The following FGFR1OP2 variants were observed in gnomAD, a reference collection of about 807,000 sequenced individuals.
The protein encoded by FGFR1OP2 is fibroblast growth factor receptor 1 oncogene partner 2.
Under a neutral mutation model 35.2 loss-of-function variants are expected in FGFR1OP2, and 17 were observed. The observed-to-expected ratio is 0.48, with a 90% CI of 0.33 to 0.73. The LOEUF is 0.73. FGFR1OP2 is among the 30% of genes least tolerant of loss of function. The pLI is 0.02. For missense variants in FGFR1OP2, 251 were observed against 307.3 expected (o/e 0.82, Z 1.37); for synonymous variants, 105 against 104.6 (o/e 1.00, Z -0.03).
At position 26,960,527 on chromosome 12, in the gene FGFR1OP2, C is replaced by T. The variant is rs779951948; in HGVS notation, c.409C>T (p.His137Tyr). The change falls in exon 5 of 7, where the codon CAT becomes TAT. Residue 137 changes from histidine (H) to tyrosine (Y), a missense_variant. Transcript: ENST00000229395. ...KEQHSKIDMV[H>Y]RNKSEGFFLD... ...CTCTATACTACAGATTGACATGGTA[C>T]ATCGTAACAAGTCCGAAGGATTCTT... 1.2e-6 allele frequency: 2 copies of T among 1,612,334 alleles called. No homozygotes were observed. Among genetic ancestry groups the T allele is most frequent in the South Asian group, 1.1e-5 (1 of 91,020 alleles).
Position 26,961,732 on chromosome 12 carries a change from C to CT in FGFR1OP2, c.510+1105dup, listed in dbSNP as rs1319331670. On this transcript the variant is annotated intron_variant, in intron 5 of 6. Coordinates refer to ENST00000229395, the MANE Select transcript of FGFR1OP2 (RefSeq NM_015633.3). ...CAGCCTGGCCAACAAGAGCGAGACT[C>CT]TGTCTAAAAAAAAAGAAATGCTTGC... 7.9e-5 allele frequency: 12 copies of CT among 152,202 alleles called. No homozygotes were observed. The East Asian group carries it at 2.1e-3, about 27-fold the overall frequency. The allele number at this position is 152,202 out of a possible 1,614,324, so 9.4% of individuals were successfully genotyped here. A position where few individuals can be genotyped will look rare whatever the true frequency, so the allele number is the denominator to read the frequency against.
rs1305865242 is a variant in FGFR1OP2 at position 26,966,195 on chromosome 12, TTC to T, written c.*1464_*1465del. 1.3e-5 allele frequency: 2 copies of T among 152,080 alleles called. No individual in the cohort carries two copies. Among genetic ancestry groups the T allele is most frequent in the African/African-American group, 2.4e-5 (1 of 41,448 alleles). 9.4% of individuals were successfully genotyped at this position (152,080 alleles called of 1,614,324 possible). On this transcript the variant is annotated 3_prime_UTR_variant, in exon 7 of 7. Coordinates refer to ENST00000229395, the MANE Select transcript of FGFR1OP2 (RefSeq NM_015633.3). ...CTAATGGCCCAAACATTATATAGAT[TTC>T]TTTTTTTCAGTCAGAGGCCTTATTT...
intron 1 of FGFR1OP2, among the ~76,000 whole-genome samples, chr12:26,941,201 T>G (rs1293547664): frequency 6.6e-6 from 1 of 152,178 alleles, no homozygotes; most frequent in Non-Finnish European, 1.5e-5. Context: ...AGGTAGGCAC[T>G]ATAAAAATAG....
intron 1 of FGFR1OP2, among the ~76,000 whole-genome samples, chr12:26,943,178 C>G (rs1383311599): frequency 6.6e-6 from 1 of 152,120 alleles, no homozygotes; most frequent in Non-Finnish European, 1.5e-5. Flanking sequence ...TCCAGTTCTT[C>G]CAACACCATT....
chr12:26,943,661 C>G (rs1356456303), intron 1 of FGFR1OP2, among the ~76,000 whole-genome samples: 1 of 152,104 alleles, frequency 6.6e-6, no homozygotes, highest in Non-Finnish European at 1.5e-5. Flanking sequence ...CCCATCTCTA[C>G]TAAAAATACA....
At chr12:26,950,215 T>TTTTTTG (rs1555211399) in intron 1 of FGFR1OP2, among the ~76,000 whole-genome samples, 3 of 97,204 alleles carry the variant, frequency 3.1e-5, no homozygotes, top group African/African-American at 1.3e-4. Context: ...TATTCGTTGT[T>TTTTTTG]TTTTTTTTTT....
intron 1 of FGFR1OP2, among the ~76,000 whole-genome samples, chr12:26,945,686 C>G (rs1248731735): frequency 6.6e-6 from 1 of 152,102 alleles, no homozygotes; most frequent in Non-Finnish European, 1.5e-5. Flanking sequence ...CGTGGTGAAA[C>G]CGCATCTCTA....
intron 6 of FGFR1OP2, 105 bp from the exon 7 acceptor site, chr12:26,964,491 T>G: frequency 7.8e-7 from 1 of 1,274,716 alleles, no homozygotes; most frequent in Non-Finnish European, 1.1e-6. Context: ...CAGACCTTGC[T>G]TGTTTGTTAT....
chr12:26,947,959 A>G lies in FGFR1OP2; in HGVS notation c.-14-6186A>G, dbSNP rs7959342. ...CTTTTTAATTCATTTCAATTAATCTATTGTAGTTTTGACTATTATCTCTGT... is the reference window on the plus strand; with the variant it reads ...CTTTTTAATTCATTTCAATTAATCTGTTGTAGTTTTGACTATTATCTCTGT... On this transcript the variant is annotated intron_variant, in intron 1 of 6. Transcript: ENST00000229395. 3.1e-3 allele frequency among the ~76,000 whole-genome samples: 479 copies of G among 152,116 alleles called. 2 individuals are homozygous for G. The highest frequency in any genetic ancestry group is 0.011 in the African/African-American group (444 of 41,504).
chr12:26,964,844 G>A lies in FGFR1OP2; in HGVS notation c.*111G>A. ...ATTTTTTTCTCTGTAAATATGTACA[G>A]TGCACGGGCTATGAGATAGCAACAA... On this transcript the variant is annotated 3_prime_UTR_variant, in exon 7 of 7. Transcript: ENST00000229395. The A allele has an allele frequency of 1.7e-6, 2 of 1,169,514 alleles. No individual in the cohort carries two copies. Among genetic ancestry groups the A allele is most frequent in the Non-Finnish European group, 2.4e-6 (2 of 834,054 alleles). 72.4% of individuals were successfully genotyped at this position (1,169,514 alleles called of 1,614,324 possible).
intron 1 of FGFR1OP2, among the ~76,000 whole-genome samples, chr12:26,948,305 C>T (rs1329633538): frequency 4.6e-5 from 7 of 152,184 alleles, no homozygotes; most frequent in Non-Finnish European, 8.8e-5. Context: ...CACTTTGCTT[C>T]TAACTGAAGA....
rs117733441 is a variant in FGFR1OP2, at chr12:26,939,316, T to A, written c.-15+606T>A. On this transcript the variant is annotated intron_variant, in intron 1 of 6. Coordinates refer to ENST00000229395, the MANE Select transcript of FGFR1OP2 (RefSeq NM_015633.3). ...TGGTTTCCCTACTATAATCCTTCCA[T>A]AGAGTTATTCTGAAATACATATTTA... is the stretch of plus-strand genomic sequence containing the variant. 2.4e-4 allele frequency among the ~76,000 whole-genome samples: 36 copies of A among 151,396 alleles called. 1 individual carries two copies. In the East Asian group the frequency reaches 7.1e-3, roughly 30 times the overall value.
chr12:26,963,848 T>A (rs1939137249), intron 6 of FGFR1OP2, among the ~76,000 whole-genome samples: 2 of 152,152 alleles, frequency 1.3e-5, no homozygotes, highest in South Asian at 4.1e-4. Context: ...CTTTGTCATC[T>A]GTCCTTTATT....
intron 1 of FGFR1OP2, among the ~76,000 whole-genome samples, chr12:26,941,395 T>C (rs1030697198): frequency 6.6e-6 from 1 of 152,216 alleles, no homozygotes; most frequent in Non-Finnish European, 1.5e-5. Context: ...TTTTAAACTT[T>C]TGTGTGTGTG....
chr12:26,939,563 A>T (rs1383818742), intron 1 of FGFR1OP2, among the ~76,000 whole-genome samples: 6 of 152,134 alleles, frequency 3.9e-5, no homozygotes, highest in African/African-American at 1.2e-4. Flanking sequence ...GATGTCTAGG[A>T]TGTTTACTGT....
Position 26,938,527 on chromosome 12 carries a change from T to G in FGFR1OP2, c.-198T>G, listed in dbSNP as rs1160167410. ...GCGGAGGTGTCTACCCCGCCGGTGA[T>G]GGCGTTGAACGCCACTGGCTTCCCG... is the stretch of plus-strand genomic sequence containing the variant. On this transcript the variant is annotated 5_prime_UTR_variant, in exon 1 of 7. An upstream start codon of the reference 5' UTR is lost. Coordinates refer to ENST00000229395, the MANE Select transcript of FGFR1OP2 (RefSeq NM_015633.3). 1 of 152,196 alleles carries G rather than the reference T, an allele frequency of 6.6e-6. No homozygotes were observed. Among genetic ancestry groups the G allele is most frequent in the Non-Finnish European group, 1.5e-5 (1 of 68,050 alleles). 9.4% of individuals were successfully genotyped at this position (152,196 alleles called of 1,614,324 possible).
At chr12:26,941,058 A>G (rs1485100326) in intron 1 of FGFR1OP2, among the ~76,000 whole-genome samples, 1 of 152,020 alleles carries the variant, frequency 6.6e-6, no homozygotes, top group Admixed American at 6.6e-5. Context: ...TTTGGGTGGT[A>G]AAGTGGGCGA....
chr12:26,957,506 T>C, intron 3 of FGFR1OP2, 95 bp from the exon 4 acceptor site: 1 of 1,133,528 alleles, frequency 8.8e-7, no homozygotes, highest in South Asian at 1.7e-5. Context: ...GTGTTTTCTT[T>C]TTAAAATGTC....
intron 4 of FGFR1OP2, among the ~76,000 whole-genome samples, chr12:26,959,217 C>CT (rs1405364902): frequency 2.0e-5 from 3 of 151,918 alleles, no homozygotes; most frequent in Non-Finnish European, 4.4e-5. Flanking sequence ...TCTAATTATG[C>CT]TATTCATCTC....
Sources: allele counts gnomAD v4.1 joint callset (sites outside exome capture counted in the v4.1 genomes callset), GRCh38; gene constraint gnomAD v4.1.1; transcripts MANE v1.5; gene names NCBI Gene and HGNC (gene_info 2026-07-23, HGNC 2026-07-21).